The following KAZN variants were observed in gnomAD, a reference collection of about 807,000 sequenced individuals.
KAZN encodes the protein kazrin, periplakin interacting protein, also known as kazrin.
Under a neutral mutation model 87.4 loss-of-function variants are expected in KAZN, and 40 were observed. The observed-to-expected ratio is 0.46, with a 90% CI of 0.36 to 0.60. The LOEUF (loss-of-function observed/expected upper bound fraction) is 0.60. Ranked by LOEUF, KAZN falls within the 20% of genes least tolerant of loss-of-function variation. The pLI, the probability that KAZN is intolerant of heterozygous loss-of-function variation, is 0.00. For synonymous variants in KAZN, 466 were observed against 458.3 expected (o/e 1.02, Z -0.22); for missense variants, 898 against 1,073.9 (o/e 0.84, Z 2.29).
chr1:14,586,408 T>C (rs1337054345), intron 2 of KAZN, among the ~76,000 whole-genome samples: 2 of 152,002 alleles, frequency 1.3e-5, no homozygotes, highest in African/African-American at 4.8e-5. Flanking sequence ...ATAGTAATAG[T>C]AAGAATTGCT....
intron 2 of KAZN, among the ~76,000 whole-genome samples, chr1:14,251,643 CTTTTTTTTTTTTTT>C (rs549092023): frequency 1.1e-5 from 1 of 90,370 alleles, no homozygotes; most frequent in Admixed American, 1.3e-4. Context: ...TTCTCCCGGA[CTTTTTTTTTTTTTT>C]TTTTTTTTTT....
chr1:14,030,417 C>A, intron 1 of KAZN, among the ~76,000 whole-genome samples: 1 of 98,042 alleles, frequency 1.0e-5, no homozygotes, highest in African/African-American at 4.2e-5. Context: ...ATATCACACT[C>A]TGGGGACTGT....
chr1:14,352,179 C>T (rs1658600025), intron 2 of KAZN, among the ~76,000 whole-genome samples: 1 of 152,010 alleles, frequency 6.6e-6, no homozygotes, highest in African/African-American at 2.4e-5. Flanking sequence ...CAGCCTTTAT[C>T]ATGAAAAAGA....
intron 2 of KAZN, among the ~76,000 whole-genome samples, chr1:14,971,915 G>T (rs913613124): frequency 6.6e-6 from 1 of 151,980 alleles, no homozygotes; most frequent in African/African-American, 2.4e-5. Flanking sequence ...TCCCAGTCTC[G>T]TCCTCCTTCC....
intron 2 of KAZN, among the ~76,000 whole-genome samples, chr1:14,971,072 C>T (rs1007872519): frequency 1.3e-5 from 2 of 152,156 alleles, no homozygotes; most frequent in Non-Finnish European, 2.9e-5. Flanking sequence ...GCCTCAGTTT[C>T]CCCATCTATA....
At chr1:14,341,433 C>A (rs140740476) in intron 2 of KAZN, among the ~76,000 whole-genome samples, 1 of 152,168 alleles carries the variant, frequency 6.6e-6, no homozygotes, top group Non-Finnish European at 1.5e-5. Context: ...TGGCTCCCAA[C>A]GCACGCAGTC....
intron 2 of KAZN, among the ~76,000 whole-genome samples, chr1:14,395,564 G>A (rs756144465): frequency 1.4e-4 from 21 of 152,144 alleles, no homozygotes; most frequent in Non-Finnish European, 2.2e-4. Flanking sequence ...CTAACTGGCT[G>A]TTGCAAAAGG....
intron 2 of KAZN, among the ~76,000 whole-genome samples, chr1:14,251,642 A>ATTTTTTTTTTTT (rs1571144709): frequency 2.5e-5 from 2 of 81,514 alleles, no homozygotes; most frequent in Non-Finnish European, 2.0e-5. Flanking sequence ...GTTCTCCCGG[A>ATTTTTTTTTTTT]CTTTTTTTTT....
rs140904054 is a variant in KAZN at position 14,141,376 on chromosome 1, C to T, written c.92-39059C>T. Among the ~76,000 whole-genome samples the T allele has an allele frequency of 4.0e-4, 61 of 152,028 alleles. No individual in the cohort carries two copies. The East Asian group carries it at 7.9e-3, about 20-fold the overall frequency. On this transcript the variant is annotated intron_variant, in intron 1 of 16. Transcript: ENST00000636203. ...TGGGGCCTGAGAGCACAGAGGTTCC[C>T]GACGCCCACCTGTTGACATAGACCC...
At chr1:14,434,552 T>C (rs1314601262) in intron 2 of KAZN, among the ~76,000 whole-genome samples, 2 of 152,262 alleles carry the variant, frequency 1.3e-5, no homozygotes, top group African/African-American at 4.8e-5. Flanking sequence ...AATTAGACGA[T>C]GCAGCAGGCC....
At chr1:14,194,851 C>T (rs1184205907) in intron 2 of KAZN, among the ~76,000 whole-genome samples, 1 of 152,120 alleles carries the variant, frequency 6.6e-6, no homozygotes, top group East Asian at 1.9e-4. Context: ...ATTTGGGAGT[C>T]TGGCAAGGAT....
intron 1 of KAZN, among the ~76,000 whole-genome samples, chr1:14,939,831 A>G (rs546528916): frequency 6.6e-6 from 1 of 152,172 alleles, no homozygotes; most frequent in African/African-American, 2.4e-5. Flanking sequence ...AGAGACCCTG[A>G]GCTCCTCCTC....
chr1:14,738,016 G>A (rs997022205), intron 1 of KAZN, among the ~76,000 whole-genome samples: 2 of 152,148 alleles, frequency 1.3e-5, no homozygotes, highest in Non-Finnish European at 2.9e-5. Flanking sequence ...CACTCAAAGT[G>A]GGTACACCAG....
chr1:14,833,296 G>C (rs1439707339), intron 1 of KAZN, among the ~76,000 whole-genome samples: 3 of 151,896 alleles, frequency 2.0e-5, no homozygotes, highest in Non-Finnish European at 4.4e-5. Context: ...CCCCCCCACT[G>C]TCTTGGGCTG....
chr1:14,931,060 A>G (rs1050027004), intron 1 of KAZN, among the ~76,000 whole-genome samples: 6 of 152,106 alleles, frequency 3.9e-5, no homozygotes, highest in African/African-American at 1.4e-4. Context: ...CTAGGTGAGG[A>G]AACTGAGGCC....
In KAZN at chr1:15,056,198, G is replaced by A. The variant is rs150094463; in HGVS notation, c.834G>A (p.Ala278=). The A allele has an allele frequency of 1.4e-4, 231 of 1,614,100 alleles. No homozygotes were observed. The highest frequency in any genetic ancestry group is 2.4e-4 in the African/African-American group (18 of 75,046). The change falls in exon 5 of 15, where the codon GCG becomes GCA. Residue 278 remains alanine (A), a synonymous_variant. Transcript: ENST00000376030. The surrounding 1 kb of genome is among the most constrained non-coding windows in gnomAD (Gnocchi z 5.4). ...GCAACCAGGAGTGGGTGGTGCAGGC[G>A]GACCTCCCGCTGACCGCAGCCATCC... is the stretch of plus-strand genomic sequence containing the variant. The part of the protein sequence containing the change: ...LNGNQEWVVQ[A]DLPLTAAIRQ...
At chr1:14,885,840 A>G (rs1027549755) in intron 1 of KAZN, among the ~76,000 whole-genome samples, 4 of 151,946 alleles carry the variant, frequency 2.6e-5, no homozygotes, top group African/African-American at 9.7e-5. Flanking sequence ...TCTTTGTAAC[A>G]CTCGTCACTA....
intron 2 of KAZN, among the ~76,000 whole-genome samples, chr1:14,218,666 A>C (rs778415318): frequency 6.6e-5 from 10 of 152,148 alleles, no homozygotes; most frequent in Non-Finnish European, 1.5e-4. Flanking sequence ...TGAATTCATA[A>C]GGATAGAAAA....
intron 2 of KAZN, among the ~76,000 whole-genome samples, chr1:14,308,235 T>C (rs894936192): frequency 5.1e-4 from 77 of 152,146 alleles, no homozygotes; most frequent in African/African-American, 1.5e-3. Flanking sequence ...GGACAATTGA[T>C]GAAATTTGAA....
Sources: gnomAD v4.1 joint callset for allele counts (sites outside exome capture counted in the v4.1 genomes callset) on GRCh38, gnomAD v4.1.1 for gene constraint, Gnocchi (gnomAD v3.1) non-coding constraint, MANE v1.5 for transcripts, NCBI Gene and HGNC (gene_info 2026-07-23, HGNC 2026-07-21) for gene names.